Variants in QPCT observed in about 807,000 individuals in gnomAD.
The protein encoded by QPCT is glutaminyl-peptide cyclotransferase.
In QPCT, 44 loss-of-function variants were observed where a neutral mutation model predicts 43.4. The observed-to-expected ratio is 1.01, with a 90% CI of 0.80 to 1.30. The LOEUF is 1.30. QPCT is among the 50% of genes most tolerant of loss of function. The pLI is 0.00. For synonymous variants in QPCT, 168 were observed against 168.4 expected, an observed-to-expected ratio of 1.00 and a Z score of 0.02; for missense variants, 526 against 436.5, an observed-to-expected ratio of 1.21 and a Z score of -1.83.
chr2:37,359,894 G>C (rs776408172), intron 3 of QPCT, 36 bp downstream of exon 3: 1 of 1,589,248 alleles, frequency 6.3e-7, no homozygotes, highest in African/African-American at 1.3e-5. Flanking sequence ...CTAGGATAAA[G>C]TACATTAACA....
intron 2 of QPCT, among the ~76,000 whole-genome samples, chr2:37,356,307 T>C (rs550068100): frequency 4.1e-4 from 63 of 151,922 alleles, no homozygotes; most frequent in Non-Finnish European, 6.5e-4. Flanking sequence ...CTATCTCTGC[T>C]TTATCCCTAT....
chr2:37,359,440 T>C (rs1452645778), intron 2 of QPCT, 140 bp from the exon 3 acceptor site: 11 of 752,974 alleles, frequency 1.5e-5, no homozygotes, highest in Non-Finnish European at 2.3e-5. Flanking sequence ...AATTATTAAT[T>C]GCAATAATAT....
At chr2:37,361,857 G>A (rs893125234) in intron 3 of QPCT, among the ~76,000 whole-genome samples, 1 of 152,182 alleles carries the variant, frequency 6.6e-6, no homozygotes, top group Non-Finnish European at 1.5e-5. Context: ...CTGTGTGAAC[G>A]CTGGTAATTA....
chr2:37,368,096 G>C lies in QPCT; in HGVS notation c.723+688G>C, dbSNP rs1335940095. On this transcript the variant is annotated intron_variant, in intron 4 of 6. Transcript: ENST00000338415. ...GCTTTGGGAAATGGAATAAAAGAGGGGTGAGGGTGAAGAATTTCCTTGGTG... is the reference window on the plus strand; with the variant it reads ...GCTTTGGGAAATGGAATAAAAGAGGCGTGAGGGTGAAGAATTTCCTTGGTG... 5.9e-5 allele frequency among the ~76,000 whole-genome samples: 9 copies of C among 152,190 alleles called. No individual in the cohort carries two copies. In the East Asian group the frequency reaches 1.7e-3, roughly 29 times the overall value.
chr2:37,360,709 G>A (rs928591264), intron 3 of QPCT, among the ~76,000 whole-genome samples: 1 of 152,170 alleles, frequency 6.6e-6, no homozygotes, highest in African/African-American at 2.4e-5. Flanking sequence ...TGGATATGCT[G>A]AAATTGAAGA....
At chr2:37,370,546 T>C (rs10203892) in intron 5 of QPCT, among the ~76,000 whole-genome samples, 2,621 of 152,326 alleles carry the variant, frequency 0.017, 60 homozygotes, top group African/African-American at 0.06. Context: ...TCCATCTCTG[T>C]CTTTGCCATC....
intron 3 of QPCT, among the ~76,000 whole-genome samples, chr2:37,363,791 A>T (rs1672902882): frequency 2.0e-5 from 3 of 152,124 alleles, no homozygotes; most frequent in South Asian, 2.1e-4. Context: ...AGGAGACATT[A>T]TATCTATGAA....
intron 4 of QPCT, among the ~76,000 whole-genome samples, chr2:37,368,899 T>G (rs1394549905): frequency 1.3e-5 from 2 of 152,210 alleles, no homozygotes; most frequent in African/African-American, 4.8e-5. Context: ...TGTTCCTATT[T>G]CAAAGAAGCC....
intron 1 of QPCT, among the ~76,000 whole-genome samples, chr2:37,345,219 G>A (rs1672458267): frequency 6.6e-6 from 1 of 152,200 alleles, no homozygotes; most frequent in African/African-American, 2.4e-5. Flanking sequence ...AGGGCAACGG[G>A]GCCGGCGCTC....
At position 37,372,487 on chromosome 2, in the gene QPCT, T is replaced by C. The variant is rs781763829; in HGVS notation, c.940+15T>C. ...TTTAAGAAGAGGTAATGTGTGTGTG[T>C]GTGTGTGTTTGTGTGTGTGTGCGTG... On this transcript the variant is annotated intron_variant, in intron 6 of 6. Transcript: ENST00000338415. The C allele has an allele frequency of 7.6e-6, 12 of 1,576,442 alleles. No individual in the cohort carries two copies. In the South Asian group the frequency reaches 1.3e-4, roughly 17 times the overall value.
intron 4 of QPCT, among the ~76,000 whole-genome samples, chr2:37,369,343 A>G (rs1673026365): frequency 6.6e-6 from 1 of 152,244 alleles, no homozygotes; most frequent in African/African-American, 2.4e-5. Flanking sequence ...AGAAGATCAG[A>G]TAGGCTTGGA....
chr2:37,344,989 C>A, intron 1 of QPCT, 138 bp downstream of exon 1: 1 of 1,302,514 alleles, frequency 7.7e-7, no homozygotes, highest in Non-Finnish European at 1.0e-6. Flanking sequence ...GGCGCCCCAC[C>A]CGGCGCCCGG....
In QPCT at chr2:37,369,723, C is replaced by T. The variant is rs1673034054; in HGVS notation, c.762C>T (p.Asn254=). The change falls in exon 5 of 7, where the codon AAC becomes AAT. Residue 254 remains asparagine, a synonymous_variant. Coordinates refer to ENST00000338415, the MANE Select transcript of QPCT (RefSeq NM_012413.4). Reference sequence around the variant, plus strand: ...TATTGGATTTGATTGGAGCTCCAAACCCAACGTTTCCCAATTTTTTTCCAA... The same window carrying T: ...TATTGGATTTGATTGGAGCTCCAAATCCAACGTTTCCCAATTTTTTTCCAA... ...LVLLDLIGAP[N]PTFPNFFPNS... is the part of the protein sequence containing the mutation. 6.2e-7 allele frequency: 1 copy of T among 1,608,744 alleles called. No individual in the cohort carries two copies. The highest frequency in any genetic ancestry group is 1.3e-5 in the African/African-American group (1 of 74,784).
intron 5 of QPCT, among the ~76,000 whole-genome samples, chr2:37,371,128 T>G (rs1017947515): frequency 3.3e-5 from 5 of 151,954 alleles, no homozygotes; most frequent in African/African-American, 1.2e-4. Flanking sequence ...TTTGAAAGAG[T>G]TACTCTAATG....
intron 1 of QPCT, among the ~76,000 whole-genome samples, chr2:37,347,226 TATAAC>T (rs1239357732): frequency 1.7e-5 from 1 of 57,398 alleles, no homozygotes; most frequent in Admixed American, 2.1e-4. Context: ...AACATATATA[TATAAC>T]ATATATATAT....
intron 2 of QPCT, 42 bp downstream of exon 2, chr2:37,352,977 G>T (rs779065001): frequency 6.3e-7 from 1 of 1,585,502 alleles, no homozygotes; most frequent in Non-Finnish European, 8.6e-7. Context: ...TGTGAATACT[G>T]TGCTTTCTCA....
In QPCT at chr2:37,372,697, A is replaced by C. The variant is rs771095889; in HGVS notation, c.956A>C (p.His319Pro). 4.3e-6 allele frequency: 7 copies of C among 1,613,322 alleles called. No individual in the cohort carries two copies. In the South Asian group the frequency reaches 6.6e-5, roughly 15 times the overall value. The change falls in exon 7 of 7, where the codon CAT (histidine) becomes CCT (proline). Residue 319 changes from histidine (H) to proline (P), a missense_variant. Physicochemically the swap from His to Pro is moderately conservative, Grantham distance 77. Transcript: ENST00000338415. ...PFLRRGVPVL[H>P]LIPSPFPEVW... Reference sequence around the variant, plus strand: ...TTCTTAATAGGTGTTCCAGTTCTGCATCTGATACCGTCTCCTTTCCCTGAA... The same window carrying C: ...TTCTTAATAGGTGTTCCAGTTCTGCCTCTGATACCGTCTCCTTTCCCTGAA...
chr2:37,356,501 C>G (rs139647299), intron 2 of QPCT, among the ~76,000 whole-genome samples: 1 of 152,302 alleles, frequency 6.6e-6, no homozygotes, highest in African/African-American at 2.4e-5. Flanking sequence ...GCCACAGCCA[C>G]GCACTCCCTG....
chr2:37,368,838 T>A (rs1673017266), intron 4 of QPCT, among the ~76,000 whole-genome samples: 1 of 152,216 alleles, frequency 6.6e-6, no homozygotes, highest in African/African-American at 2.4e-5. Flanking sequence ...TGAATGAAGA[T>A]CATTTTTTTC....
Sources: allele counts gnomAD v4.1 joint callset (sites outside exome capture counted in the v4.1 genomes callset), GRCh38; gene constraint gnomAD v4.1.1; transcripts MANE v1.5; gene names NCBI Gene and HGNC (gene_info 2026-07-23, HGNC 2026-07-21).